Variants in NEBL observed in about 807,000 individuals in gnomAD.
NEBL encodes nebulette.
A neutral mutation model predicts 140.2 loss-of-function variants in NEBL; 122 were observed. The observed-to-expected ratio is 0.87, with a 90% CI of 0.75 to 1.01. The LOEUF (loss-of-function observed/expected upper bound fraction) is 1.01. NEBL is among the 50% of genes least tolerant of loss of function. NEBL has a pLI of 0.00. For missense variants in NEBL, 1,365 were observed against 1,231.3 expected, an observed-to-expected ratio of 1.11 and a Z score of -1.62; for synonymous variants, 436 against 398.9, an observed-to-expected ratio of 1.09 and a Z score of -1.11.
chr10:20,914,855 G>C (rs1848469769), intron 4 of NEBL, among the ~76,000 whole-genome samples: 1 of 151,828 alleles, frequency 6.6e-6, no homozygotes, highest in Non-Finnish European at 1.5e-5. Context: ...TATTTTCTGG[G>C]GTTGTTTTGT....
Position 20,819,479 on chromosome 10 carries a change from A to C in NEBL, c.2000T>G (p.Val667Gly). 1 of 1,614,052 alleles carries C rather than the reference A, an allele frequency of 6.2e-7. No individual in the cohort carries two copies. The change falls in exon 20 of 28, where the codon GTA becomes GGA. Residue 667 changes from valine (V) to glycine (G), a missense_variant. Val to Gly is a moderately radical substitution (Grantham distance 109). Transcript: ENST00000377122. ...YKEQNYKATP[V>G]SMTPEIERVR... ...TCTCTCTATCTCCGGGGTCATGCTT[A>C]CCGGAGTGGCCTTGTAGTTTTGCTC...
chr10:21,240,992 T>C (rs1461647267), intron 3 of NEBL, among the ~76,000 whole-genome samples: 1 of 151,910 alleles, frequency 6.6e-6, no homozygotes, highest in African/African-American at 2.4e-5. Context: ...TTGAGAATTT[T>C]CTACTGAGCC....
intron 3 of NEBL, among the ~76,000 whole-genome samples, chr10:21,237,689 C>T (rs1842376416): frequency 6.6e-6 from 1 of 151,994 alleles, no homozygotes; most frequent in Admixed American, 6.6e-5. Context: ...TCACTGCAAC[C>T]TCCACCTCCC....
At chr10:20,957,773 C>T (rs1486900819) in intron 4 of NEBL, among the ~76,000 whole-genome samples, 2 of 152,114 alleles carry the variant, frequency 1.3e-5, no homozygotes, top group African/African-American at 2.4e-5. Flanking sequence ...GTCATCTGGT[C>T]GATTTTTGTT....
At chr10:21,177,792 T>G (rs1470704433), upstream of NEBL, among the ~76,000 whole-genome samples, 1 of 152,218 alleles carries the variant, frequency 6.6e-6, no homozygotes, top group Non-Finnish European at 1.5e-5. Context: ...CCTCCCAAAG[T>G]GCTGGGATTA....
At position 20,991,690 on chromosome 10, in the gene NEBL, G is replaced by A. The variant is rs113372903; in HGVS notation, c.249+28427C>T. Among the ~76,000 whole-genome samples, 685 of 151,548 alleles carry A rather than the reference G, an allele frequency of 4.5e-3. 5 individuals are homozygous for A. The highest frequency in any genetic ancestry group is 0.015 in the African/African-American group (618 of 41,244). On this transcript the variant is annotated intron_variant, in intron 3 of 6. Coordinates refer to the NEBL transcript ENST00000417816. ...GTATGTTTCATGATGCAGAGGTTTG[G>A]GCTTTTAATGACCTCATTGCCCAGG...
chr10:20,836,949 G>A (rs576615140), intron 13 of NEBL, among the ~76,000 whole-genome samples: 9 of 152,238 alleles, frequency 5.9e-5, no homozygotes, highest in Middle Eastern at 3.4e-3. Flanking sequence ...GAACTTAATC[G>A]AGAAATGTTG....
chr10:20,939,332 C>G (rs932803742), intron 4 of NEBL, among the ~76,000 whole-genome samples: 1 of 152,114 alleles, frequency 6.6e-6, no homozygotes, highest in Admixed American at 6.5e-5. Context: ...TCCAGCCAAA[C>G]TAAGCTTCTT....
chr10:21,262,989 C>A (rs1339980432), intron 1 of NEBL, among the ~76,000 whole-genome samples: 1 of 152,168 alleles, frequency 6.6e-6, no homozygotes, highest in Non-Finnish European at 1.5e-5. Flanking sequence ...AAAACAGTAC[C>A]CACAGCCCCT....
intron 2 of NEBL, among the ~76,000 whole-genome samples, chr10:21,079,266 G>T (rs571353319): frequency 2.2e-3 from 337 of 152,264 alleles, no homozygotes; most frequent in Non-Finnish European, 3.3e-3. Flanking sequence ...AAGAAAATGA[G>T]GAGGTGAAGA....
At chr10:21,104,702 C>T (rs949106835) in intron 2 of NEBL, among the ~76,000 whole-genome samples, 2 of 152,078 alleles carry the variant, frequency 1.3e-5, no homozygotes, top group African/African-American at 4.8e-5. Flanking sequence ...CTTTTCTAAT[C>T]TGTGTGCTTT....
intron 4 of NEBL, among the ~76,000 whole-genome samples, chr10:20,949,348 C>A (rs892674809): frequency 6.6e-6 from 1 of 152,010 alleles, no homozygotes. Flanking sequence ...CTAATGCATG[C>A]GGGGTTTAAA....
chr10:21,169,067 A>ATATATAT (rs1554830680), intron 2 of NEBL, among the ~76,000 whole-genome samples: 34 of 23,016 alleles, frequency 1.5e-3, no homozygotes, highest in Admixed American at 3.8e-3. Flanking sequence ...AAAAAAAAAA[A>ATATATAT]ATATATATAT....
intron 3 of NEBL, among the ~76,000 whole-genome samples, chr10:21,221,204 C>T (rs770162079): frequency 1.3e-5 from 2 of 152,100 alleles, no homozygotes; most frequent in African/African-American, 4.8e-5. Flanking sequence ...GGTTAATTAG[C>T]TTGACTCATG....
chr10:21,027,103 G>T (rs1219003463), intron 2 of NEBL, among the ~76,000 whole-genome samples: 1 of 152,028 alleles, frequency 6.6e-6, no homozygotes, highest in African/African-American at 2.4e-5. Flanking sequence ...TACCTTTGCT[G>T]ATTTTGCTCT....
intron 3 of NEBL, among the ~76,000 whole-genome samples, chr10:21,202,380 T>C (rs1046319918): frequency 2.0e-5 from 3 of 151,970 alleles, no homozygotes; most frequent in Non-Finnish European, 4.4e-5. Context: ...ACCTGCGTTC[T>C]AGAAATACAC....
intron 4 of NEBL, among the ~76,000 whole-genome samples, chr10:20,938,418 C>T (rs1197015141): frequency 6.6e-6 from 1 of 152,130 alleles, no homozygotes. Context: ...GAAAGGACAT[C>T]CACACCAAAA....
At chr10:21,197,021 A>T (rs1422799134) in intron 3 of NEBL, among the ~76,000 whole-genome samples, 1 of 152,182 alleles carries the variant, frequency 6.6e-6, no homozygotes, top group Non-Finnish European at 1.5e-5. Context: ...GTTGTGATGG[A>T]TCTCATAGTT....
intron 19 of NEBL, among the ~76,000 whole-genome samples, chr10:20,819,826 GCGAT>G (rs1397749829): frequency 6.6e-6 from 1 of 152,078 alleles, no homozygotes; most frequent in Non-Finnish European, 1.5e-5. Context: ...CCAAGCTCCA[GCGAT>G]CCTCCCGACT....
Sources: gnomAD v4.1 joint callset for allele counts (sites outside exome capture counted in the v4.1 genomes callset) on GRCh38, gnomAD v4.1.1 for gene constraint, MANE v1.5 for transcripts, NCBI Gene and HGNC (gene_info 2026-07-23, HGNC 2026-07-21) for gene names.